SYNE1: variants seen among roughly 807,000 people sequenced by gnomAD.
SYNE1 encodes the protein nesprin-1.
A neutral mutation model predicts 1,111.0 loss-of-function variants in SYNE1; 616 were observed. The observed-to-expected ratio is 0.55, with a 90% confidence interval of 0.52 to 0.59. SYNE1 has a LOEUF of 0.59. Among genes scored for constraint, SYNE1 ranks in the 20% least tolerant of loss-of-function variants. The pLI is 0.00. For synonymous variants in SYNE1, 3,855 were observed against 3,825.8 expected (o/e 1.01, Z -0.28); for missense variants, 10,006 against 10,417.0 (o/e 0.96, Z 1.72).
intron 3 of SYNE1, among the ~76,000 whole-genome samples, chr6:152,596,847 G>A (rs570485700): frequency 4.6e-5 from 7 of 152,112 alleles, no homozygotes; most frequent in Admixed American, 1.3e-4. Flanking sequence ...ACAGACTTTC[G>A]AACTTACCAG....
At position 152,148,293 on chromosome 6, in the gene SYNE1, C is replaced by A. The variant is rs150571577; in HGVS notation, c.24728G>T (p.Arg8243Leu). Residue 8243 changes from arginine (R) to leucine (L), a missense_variant, in exon 137 of 146, where the codon CGC becomes CTC. Transcript: ENST00000367255. This position sits in a 1 kb window ranked among gnomAD's most constrained non-coding sequence, Gnocchi z 4.1. ...TGGAGAAAGCAGGCTGTCTGCAGAG[C>A]GGTCGTGCCAGTGCAGGTCCGACAG... ...AALSDLHWHDRSADSLLSPQP... is the reference protein window; with the variant it reads ...AALSDLHWHDLSADSLLSPQP... 1 of 1,613,620 alleles carries A rather than the reference C, an allele frequency of 6.2e-7. No homozygotes were observed. Among genetic ancestry groups the A allele is most frequent in the African/African-American group, 1.3e-5 (1 of 75,038 alleles).
intron 29 of SYNE1, among the ~76,000 whole-genome samples, chr6:152,446,158 T>A (rs1032337876): frequency 3.3e-5 from 5 of 151,088 alleles, no homozygotes; most frequent in African/African-American, 1.2e-4. Context: ...CAAGCTTGTC[T>A]GTGAATAACG....
intron 74 of SYNE1, among the ~76,000 whole-genome samples, chr6:152,341,928 G>A (rs1209962175): frequency 1.8e-4 from 27 of 151,904 alleles, no homozygotes; most frequent in Admixed American, 1.7e-3. Flanking sequence ...ATTAAGTGAG[G>A]ACTTATTGCA....
chr6:152,230,672 A>G lies in SYNE1; in HGVS notation c.21070T>C (p.Trp7024Arg). Residue 7024 changes from tryptophan to arginine, a missense_variant, in exon 115 of 146, where the codon TGG becomes CGG. Transcript: ENST00000367255. ...IQLLEGLLES[W>R]SEYENNVQCL... ...TGTACATTATTTTCATATTCTGACCAAGATTCCAATAAGCCTTCCAACAGC... is the reference window on the plus strand; with the variant it reads ...TGTACATTATTTTCATATTCTGACCGAGATTCCAATAAGCCTTCCAACAGC... The G allele has an allele frequency of 6.2e-7, 1 of 1,614,078 alleles. No individual in the cohort carries two copies.
chr6:152,208,181 G>A lies in SYNE1; in HGVS notation c.22615C>T (p.Leu7539Phe), dbSNP rs768346744. Reference protein sequence around the residue: ...DRDEFNLKLTLLSNQWQGVIR... With the variant: ...DRDEFNLKLTFLSNQWQGVIR... ...ACTCCCTGCCATTGATTACTGAGGA[G>A]TGTCAATTTCAGGTTGAATTCATCC... is the stretch of plus-strand genomic sequence containing the variant. The change falls in exon 125 of 146, where the codon CTC (leucine) becomes TTC (phenylalanine). Residue 7539 changes from leucine to phenylalanine, a missense_variant. Transcript: ENST00000367255. 2.5e-6 allele frequency: 4 copies of A among 1,614,072 alleles called. No homozygotes were observed. Among genetic ancestry groups the A allele is most frequent in the Admixed American group, 1.7e-5 (1 of 60,008 alleles).
chr6:152,614,758 A>T lies in SYNE1; in HGVS notation c.67+13507T>A, dbSNP rs112568776. Among the ~76,000 whole-genome samples, 6 of 152,354 alleles carry T rather than the reference A, an allele frequency of 3.9e-5. No individual in the cohort carries two copies. The South Asian group carries it at 1.2e-3, about 32-fold the overall frequency. ...CAGATGTCCATCAATGATAGACCGA[A>T]TTAAGAAAATGTGGCACATATACAC... is the stretch of plus-strand genomic sequence containing the variant. On this transcript the variant is annotated intron_variant, in intron 3 of 145. Coordinates refer to ENST00000367255, the MANE Select transcript of SYNE1 (RefSeq NM_182961.4).
chr6:152,199,805 T>G (rs761867355), intron 127 of SYNE1, among the ~76,000 whole-genome samples: 1 of 152,198 alleles, frequency 6.6e-6, no homozygotes, highest in Non-Finnish European at 1.5e-5. Context: ...GGTAATTGCC[T>G]TGTTTTGCTG....
At chr6:152,298,768 C>A (rs565093785) in intron 93 of SYNE1, among the ~76,000 whole-genome samples, 2 of 152,154 alleles carry the variant, frequency 1.3e-5, no homozygotes, top group East Asian at 1.9e-4. Flanking sequence ...TTTTCATTGT[C>A]TTCTAACTGA....
chr6:152,601,988 T>C (rs925342050), intron 3 of SYNE1, among the ~76,000 whole-genome samples: 3 of 152,122 alleles, frequency 2.0e-5, no homozygotes, highest in Non-Finnish European at 4.4e-5. Flanking sequence ...CCACTCATTT[T>C]GATCCAGTGC....
At position 152,363,290 on chromosome 6, in the gene SYNE1, C is replaced by A. The variant is rs1184903647; in HGVS notation, c.10146-967G>T. Among the ~76,000 whole-genome samples the A allele has an allele frequency of 4.0e-5, 6 of 148,542 alleles. No homozygotes were observed. In the East Asian group the frequency reaches 6.3e-4, roughly 16 times the overall value. ...CGGGTGGATCACGAGGTCAGGAGAT[C>A]AAGGCCATCCTGGCTAACACAGTGA... On this transcript the variant is annotated intron_variant, in intron 63 of 145. Transcript: ENST00000367255.
intron 91 of SYNE1, among the ~76,000 whole-genome samples, chr6:152,308,259 T>C (rs2095439715): frequency 6.6e-6 from 1 of 152,152 alleles, no homozygotes; most frequent in Admixed American, 6.5e-5. Context: ...TCCCAAAGGA[T>C]ATAATACGAA....
intron 2 of SYNE1, among the ~76,000 whole-genome samples, chr6:152,635,817 G>T (rs917718306): frequency 2.0e-5 from 3 of 152,164 alleles, no homozygotes; most frequent in African/African-American, 7.2e-5. Flanking sequence ...GGATGCTAAG[G>T]CTTCATTGCT....
At position 152,323,519 on chromosome 6, in the gene SYNE1, C is replaced by T. The variant is rs373142155; in HGVS notation, c.15876G>A (p.Pro5292=). The T allele has an allele frequency of 1.2e-6, 2 of 1,614,066 alleles. No homozygotes were observed. Among genetic ancestry groups the T allele is most frequent in the East Asian group, 2.2e-5 (1 of 44,884 alleles). ...GCATGGCGGTGATTTCCTGCATGAG[C>T]GGAGGCTCTTCCCCAGGGGTTGGGG... is the stretch of plus-strand genomic sequence containing the variant. ...GAAPTPGEEP[P]LMQEITAMQD... is the part of the protein sequence containing the mutation. Residue 5292 remains proline (P), a synonymous_variant, in exon 82 of 146, where the codon CCG becomes CCA. Coordinates refer to ENST00000367255, the MANE Select transcript of SYNE1 (RefSeq NM_182961.4).
intron 54 of SYNE1, among the ~76,000 whole-genome samples, chr6:152,386,652 T>C (rs2097530573): frequency 6.6e-6 from 1 of 152,176 alleles, no homozygotes; most frequent in Non-Finnish European, 1.5e-5. Context: ...GAAACCGTTT[T>C]TACTAAGATG....
At chr6:152,543,449 T>C (rs1392176626) in intron 3 of SYNE1, among the ~76,000 whole-genome samples, 1 of 152,232 alleles carries the variant, frequency 6.6e-6, no homozygotes, top group East Asian at 1.9e-4. Flanking sequence ...TCCCAAGATT[T>C]GGTAGTTAAA....
At chr6:152,503,929 T>G (rs1355535121) in intron 9 of SYNE1, among the ~76,000 whole-genome samples, 4 of 152,210 alleles carry the variant, frequency 2.6e-5, no homozygotes, top group African/African-American at 9.6e-5. Context: ...TCTGTATTCC[T>G]AAAAGCTTAT....
At chr6:152,602,507 G>C (rs1258039673) in intron 3 of SYNE1, among the ~76,000 whole-genome samples, 3 of 152,072 alleles carry the variant, frequency 2.0e-5, no homozygotes, top group Non-Finnish European at 4.4e-5. Flanking sequence ...ACCCAGTTAT[G>C]GTACTTTAAT....
chr6:152,525,015 G>A (rs190279980), intron 5 of SYNE1, among the ~76,000 whole-genome samples: 105 of 152,276 alleles, frequency 6.9e-4, no homozygotes, highest in Non-Finnish European at 1.3e-3. Context: ...CAGATACTAC[G>A]AGTGCTTGAA....
rs577892793 is a variant in SYNE1, at chr6:152,316,666, A to C, written c.16710+183T>G. On this transcript the variant is annotated intron_variant, in intron 87 of 145. Transcript: ENST00000367255. ...CAAGGATATTTATTTATTCAATTTCATGAAATTTCATGAGAAGCTCCTTTC... is the reference window on the plus strand; with the variant it reads ...CAAGGATATTTATTTATTCAATTTCCTGAAATTTCATGAGAAGCTCCTTTC... The C allele has an allele frequency of 2.6e-5, 17 of 651,500 alleles. 1 individual carries two copies. The African/African-American group carries it at 3.1e-4, about 12-fold the overall frequency. The allele number at this position is 651,500 out of a possible 1,614,324, so 40.4% of individuals were successfully genotyped here.
Sources: gnomAD v4.1 joint callset for allele counts (sites outside exome capture counted in the v4.1 genomes callset) on GRCh38, gnomAD v4.1.1 for gene constraint, Gnocchi (gnomAD v3.1) non-coding constraint, MANE v1.5 for transcripts, NCBI Gene and HGNC (gene_info 2026-07-23, HGNC 2026-07-21) for gene names.